Variants in WDFY3 observed in about 807,000 individuals in gnomAD.
WDFY3 encodes the protein WD repeat and FYVE domain containing 3, also known as WD repeat and FYVE domain-containing protein 3.
A neutral mutation model predicts 409.6 loss-of-function variants in WDFY3; 66 were observed. That is an observed-to-expected ratio of 0.16 (90% CI 0.13 to 0.20). WDFY3 has a LOEUF of 0.20. Ranked by LOEUF, WDFY3 falls within the 10% of genes least tolerant of loss-of-function variation. The pLI is 1.00. For missense variants in WDFY3, 3,031 were observed against 4,298.1 expected, an observed-to-expected ratio of 0.71 and a Z score of 8.24; for synonymous variants, 1,521 against 1,537.1, an observed-to-expected ratio of 0.99 and a Z score of 0.25.
At chr4:84,915,395 T>G (rs1293197857) in intron 2 of WDFY3, among the ~76,000 whole-genome samples, 1 of 152,180 alleles carries the variant, frequency 6.6e-6, no homozygotes, top group East Asian at 1.9e-4. Context: ...GAAACAGAAT[T>G]TAATTTGATC....
chr4:84,945,692 T>C (rs1772734249), intron 1 of WDFY3, among the ~76,000 whole-genome samples: 2 of 152,132 alleles, frequency 1.3e-5, no homozygotes, highest in Admixed American at 1.3e-4. Flanking sequence ...ATATATGATG[T>C]CTCCCATCCT....
intron 2 of WDFY3, among the ~76,000 whole-genome samples, chr4:84,926,167 C>T (rs182058022): frequency 3.0e-3 from 426 of 141,736 alleles, no homozygotes; most frequent in African/African-American, 0.01. Context: ...ATCGCGCCAC[C>T]GCACTCCAGC....
chr4:84,688,578 G>GT (rs1461010451), intron 61 of WDFY3, among the ~76,000 whole-genome samples: 1 of 152,074 alleles, frequency 6.6e-6, no homozygotes, highest in East Asian at 1.9e-4. Context: ...CCCAGCTTGG[G>GT]TTTCTTTATA....
At chr4:84,781,665 A>C (rs931779085) in intron 25 of WDFY3, among the ~76,000 whole-genome samples, 204 of 152,324 alleles carry the variant, frequency 1.3e-3, no homozygotes, top group African/African-American at 4.7e-3. Flanking sequence ...GCTTAACTGT[A>C]TGGCATAATA....
At chr4:84,964,612 C>T (rs995746171) in intron 1 of WDFY3, among the ~76,000 whole-genome samples, 25 of 152,180 alleles carry the variant, frequency 1.6e-4, no homozygotes, top group African/African-American at 6.0e-4. Flanking sequence ...TTTTCAAAAA[C>T]AGATTATGCA....
At position 84,836,970 on chromosome 4, in the gene WDFY3, G is replaced by C. The variant is rs1756661971; in HGVS notation, c.535C>G (p.Leu179Val). ...AVGGAQNELP[L>V]AERRGLLQKV... ...TGGAGTAGTCCTCGACGTTCTGCTA[G>C]AGGTAGCTCATTCTGTGCACCTCCA... Residue 179 changes from leucine to valine, a missense_variant, in exon 7 of 68, where the codon CTA (leucine) becomes GTA (valine). Leu to Val is a conservative substitution (Grantham distance 32, BLOSUM62 1). Transcript: ENST00000295888. 6.3e-7 allele frequency: 1 copy of C among 1,591,738 alleles called. No individual in the cohort carries two copies. Among genetic ancestry groups the C allele is most frequent in the South Asian group, 1.2e-5 (1 of 85,956 alleles).
At position 84,761,955 on chromosome 4, in the gene WDFY3, A is replaced by G. The variant is rs374097583; in HGVS notation, c.5188+3855T>C. ...TTAGAATGGCAATCATTAAAAAGTC[A>G]GGAAACAACAGGTGCTGGAGAGGAC... On this transcript the variant is annotated intron_variant, in intron 32 of 67. Transcript: ENST00000295888. Among the ~76,000 whole-genome samples the G allele has an allele frequency of 2.0e-4, 31 of 152,268 alleles. No individual in the cohort carries two copies. The East Asian group carries it at 4.3e-3, about 21-fold the overall frequency.
At chr4:84,810,655 A>G (rs1752340412) in intron 13 of WDFY3, among the ~76,000 whole-genome samples, 1 of 152,208 alleles carries the variant, frequency 6.6e-6, no homozygotes, top group African/African-American at 2.4e-5. Flanking sequence ...GTGACTTTAC[A>G]AAGTAAGTAA....
At chr4:84,806,214 T>C (rs902319382) in intron 15 of WDFY3, among the ~76,000 whole-genome samples, 1 of 152,198 alleles carries the variant, frequency 6.6e-6, no homozygotes, top group African/African-American at 2.4e-5. Context: ...TTCAAGTCAC[T>C]AGACTTGAAT....
intron 51 of WDFY3, among the ~76,000 whole-genome samples, chr4:84,711,400 T>C (rs1732862920): frequency 6.6e-6 from 1 of 152,098 alleles, no homozygotes; most frequent in Admixed American, 6.5e-5. Context: ...CCTATACAAA[T>C]TGATAAGATC....
chr4:84,821,043 C>T (rs61732924), intron 11 of WDFY3, 41 bp downstream of exon 11: 2 of 1,501,308 alleles, frequency 1.3e-6, no homozygotes, highest in South Asian at 1.4e-5. Flanking sequence ...CTGTTTTGAA[C>T]CCCTTTTCAA....
chr4:84,702,585 A>C (rs1578183738), intron 55 of WDFY3, 79 bp from the exon 56 acceptor site: 1 of 1,267,840 alleles, frequency 7.9e-7, no homozygotes, highest in Non-Finnish European at 1.0e-6. Flanking sequence ...GAGCTTGAAA[A>C]CTCCAACTAT....
At chr4:84,934,529 T>C (rs1771170161) in intron 1 of WDFY3, among the ~76,000 whole-genome samples, 1 of 152,156 alleles carries the variant, frequency 6.6e-6, no homozygotes, top group South Asian at 2.1e-4. Context: ...GACAGAAAGC[T>C]TTAAAACAAG....
At chr4:84,821,008 A>G in intron 11 of WDFY3, 76 bp downstream of exon 11, 1 of 1,326,402 alleles carries the variant, frequency 7.5e-7, no homozygotes, top group Non-Finnish European at 1.0e-6. Context: ...ATAACCAAAG[A>G]ATGGGAACAA....
In WDFY3 at chr4:84,670,883, T is replaced by A. The variant is rs961872291; in HGVS notation, c.*1985A>T. ...GAAGATGGTGATGGGGGAGGGAGAG[T>A]GTGGGGGGAGTAAGACACAGAAAGG... On this transcript the variant is annotated 3_prime_UTR_variant, in exon 68 of 68. Coordinates refer to ENST00000295888, the MANE Select transcript of WDFY3 (RefSeq NM_014991.6). The A allele has an allele frequency of 2.0e-5, 3 of 151,694 alleles. No homozygotes were observed. Among genetic ancestry groups the A allele is most frequent in the Non-Finnish European group, 4.4e-5 (3 of 67,850 alleles). The allele number at this position is 151,694 out of a possible 1,614,324, so 9.4% of individuals were successfully genotyped here.
intron 1 of WDFY3, among the ~76,000 whole-genome samples, chr4:84,944,660 C>T (rs1772579452): frequency 6.6e-6 from 1 of 151,396 alleles, no homozygotes; most frequent in Non-Finnish European, 1.5e-5. Context: ...AACGTCTCTA[C>T]TAAAAATACA....
intron 66 of WDFY3, 152 bp from the exon 67 acceptor site, chr4:84,677,548 A>G: frequency 3.3e-6 from 2 of 601,834 alleles, no homozygotes; most frequent in South Asian, 7.2e-5. Context: ...ATGTATGTGT[A>G]AACAGACAAA....
chr4:84,845,758 G>T (rs909400800), intron 5 of WDFY3, among the ~76,000 whole-genome samples: 1 of 151,826 alleles, frequency 6.6e-6, no homozygotes, highest in South Asian at 2.1e-4. Context: ...ATCTTCCAAT[G>T]TTCTAAACTA....
chr4:84,687,971 G>A, intron 62 of WDFY3, 115 bp downstream of exon 62: 1 of 1,123,276 alleles, frequency 8.9e-7, no homozygotes, highest in Non-Finnish European at 1.3e-6. Flanking sequence ...TCCTCCTGCG[G>A]TAGCCTCCTG....
Sources: allele counts gnomAD v4.1 joint callset (sites outside exome capture counted in the v4.1 genomes callset), GRCh38; gene constraint gnomAD v4.1.1; transcripts MANE v1.5; gene names NCBI Gene and HGNC (gene_info 2026-07-23, HGNC 2026-07-21).